COBL: variants seen among roughly 807,000 people sequenced by gnomAD.
The protein encoded by COBL is cordon-bleu WH2 repeat protein, also known as protein cordon-bleu.
Under a neutral mutation model 98.8 loss-of-function variants are expected in COBL, and 51 were observed. The observed-to-expected ratio is 0.52, with a 90% CI of 0.41 to 0.65. COBL has a LOEUF of 0.65. COBL is among the 30% of genes least tolerant of loss of function. COBL has a pLI of 0.00. For synonymous variants in COBL, 634 were observed against 651.7 expected (o/e 0.97, Z 0.41); for missense variants, 1,617 against 1,617.5 (o/e 1.00, Z 0.01).
chr7:51,046,806 C>CA (rs1789752306), intron 7 of COBL, among the ~76,000 whole-genome samples: 2 of 152,160 alleles, frequency 1.3e-5, no homozygotes. Flanking sequence ...CCAGGGACCC[C>CA]AGCCTGAAAC....
intron 7 of COBL, among the ~76,000 whole-genome samples, chr7:51,067,164 G>A (rs1360254921): frequency 1.3e-5 from 2 of 152,184 alleles, no homozygotes; most frequent in Non-Finnish European, 1.5e-5. Flanking sequence ...AGCTAATATA[G>A]CCACATACTG....
At chr7:51,095,992 C>T (rs1355143398) in intron 6 of COBL, among the ~76,000 whole-genome samples, 2 of 152,054 alleles carry the variant, frequency 1.3e-5, no homozygotes, top group Non-Finnish European at 2.9e-5. Context: ...CAGAGAGATC[C>T]ATAAGTAATA....
chr7:51,176,967 T>C (rs2129047386), intron 5 of COBL, among the ~76,000 whole-genome samples: 1 of 152,332 alleles, frequency 6.6e-6, no homozygotes, highest in South Asian at 2.1e-4. Context: ...ATGAGGCTAG[T>C]TTTAAAATTG....
intron 1 of COBL, among the ~76,000 whole-genome samples, chr7:51,232,662 T>C (rs1010670544): frequency 2.0e-5 from 3 of 151,916 alleles, no homozygotes; most frequent in Non-Finnish European, 4.4e-5. Context: ...ATACAAAAAA[T>C]CAGCTGGGCG....
chr7:51,149,867 C>T (rs1429639251), intron 5 of COBL, among the ~76,000 whole-genome samples: 3 of 152,126 alleles, frequency 2.0e-5, no homozygotes, highest in Admixed American at 6.5e-5. Context: ...TCAGGTGATC[C>T]GCCCACCTCA....
At chr7:51,225,484 C>A (rs1010273808) in intron 1 of COBL, among the ~76,000 whole-genome samples, 8 of 152,200 alleles carry the variant, frequency 5.3e-5, no homozygotes, top group African/African-American at 1.7e-4. Flanking sequence ...TTCCTCTCAC[C>A]CCCTCCAGTA....
chr7:51,295,349 T>C (rs990059522), intron 1 of COBL, among the ~76,000 whole-genome samples: 1 of 150,510 alleles, frequency 6.6e-6, no homozygotes, highest in African/African-American at 2.4e-5. Context: ...GGCACATGTA[T>C]ACCTACATAA....
chr7:51,136,759 C>A (rs1799276747), intron 5 of COBL, among the ~76,000 whole-genome samples: 1 of 152,194 alleles, frequency 6.6e-6, no homozygotes, highest in Non-Finnish European at 1.5e-5. Flanking sequence ...CAGTCTTGGT[C>A]ATCTTGGGAA....
chr7:51,259,756 C>T lies in COBL; in HGVS notation c.42-39812G>A, dbSNP rs577824103. 1.9e-5 allele frequency: 14 copies of T among 746,834 alleles called. No individual in the cohort carries two copies. In the African/African-American group the frequency reaches 2.2e-4, roughly 12 times the overall value. 46.3% of individuals were successfully genotyped at this position (746,834 alleles called of 1,614,324 possible). A position where few individuals can be genotyped will look rare whatever the true frequency, so the allele number is the denominator to read the frequency against. On this transcript the variant is annotated intron_variant, in intron 1 of 12. Coordinates refer to ENST00000265136, the MANE Select transcript of COBL (RefSeq NM_015198.5). ...ACTTCAGATGTGGAAATACCCAGAT[C>T]ACATAAGTTTCCACTATGGGCAGCA...
At chr7:51,058,587 C>A (rs1178732397) in intron 7 of COBL, among the ~76,000 whole-genome samples, 2 of 150,360 alleles carry the variant, frequency 1.3e-5, no homozygotes, top group Admixed American at 6.6e-5. Context: ...ACAACAACAA[C>A]ACAACCCCCC....
intron 1 of COBL, among the ~76,000 whole-genome samples, chr7:51,225,217 G>A (rs550862243): frequency 5.9e-5 from 9 of 152,320 alleles, no homozygotes; most frequent in East Asian, 1.9e-4. Flanking sequence ...TGCTATTTAC[G>A]TGGGGACTCC....
At chr7:51,257,156 A>T (rs1378760525) in intron 1 of COBL, among the ~76,000 whole-genome samples, 3 of 152,186 alleles carry the variant, frequency 2.0e-5, no homozygotes, top group Admixed American at 2.0e-4. Context: ...AAGATAAAAG[A>T]AGACAGATCC....
intron 6 of COBL, among the ~76,000 whole-genome samples, chr7:51,105,717 C>T (rs1796197577): frequency 6.6e-6 from 1 of 152,172 alleles, no homozygotes; most frequent in African/African-American, 2.4e-5. Flanking sequence ...TTCTACTGCA[C>T]TGCACTCCAG....
chr7:51,089,144 C>T (rs1026492600), intron 6 of COBL, among the ~76,000 whole-genome samples: 1 of 152,048 alleles, frequency 6.6e-6, no homozygotes, highest in East Asian at 1.9e-4. Context: ...TAGGATCTGG[C>T]GTCTTCTGCT....
intron 1 of COBL, among the ~76,000 whole-genome samples, chr7:51,281,414 A>T (rs1799808948): frequency 6.6e-6 from 1 of 152,230 alleles, no homozygotes; most frequent in African/African-American, 2.4e-5. Context: ...AAATTTCACA[A>T]AACTTCCTGA....
chr7:51,130,256 C>T (rs567507280), intron 6 of COBL, among the ~76,000 whole-genome samples: 2 of 152,246 alleles, frequency 1.3e-5, no homozygotes, highest in South Asian at 2.1e-4. Flanking sequence ...TCCTTCCTTC[C>T]GAACAAAGCA....
intron 1 of COBL, among the ~76,000 whole-genome samples, chr7:51,309,025 C>A (rs1325412235): frequency 1.3e-5 from 2 of 152,146 alleles, no homozygotes; most frequent in Non-Finnish European, 2.9e-5. Flanking sequence ...CAGAAACTGT[C>A]AGGGGCACCC....
At chr7:51,254,430 C>A (rs554152609) in intron 1 of COBL, among the ~76,000 whole-genome samples, 3 of 152,192 alleles carry the variant, frequency 2.0e-5, no homozygotes, top group Non-Finnish European at 4.4e-5. Flanking sequence ...TCACTTGCAA[C>A]AAATAGACAA....
intron 6 of COBL, among the ~76,000 whole-genome samples, chr7:51,086,634 G>C (rs937377027): frequency 2.0e-5 from 3 of 151,518 alleles, no homozygotes; most frequent in African/African-American, 7.3e-5. Context: ...GAGAGGGAGA[G>C]AGAGAGAGAG....
Sources: gnomAD v4.1 joint callset for allele counts (sites outside exome capture counted in the v4.1 genomes callset) on GRCh38, gnomAD v4.1.1 for gene constraint, MANE v1.5 for transcripts, NCBI Gene and HGNC (gene_info 2026-07-23, HGNC 2026-07-21) for gene names.